Variants in IFFO1 observed in about 807,000 individuals in gnomAD.
The protein encoded by IFFO1 is non-homologous end joining factor IFFO1.
IFFO1 carries 42 observed loss-of-function variants against 59.6 expected under a neutral mutation model. The ratio of observed to expected loss-of-function variants is 0.70; its 90% confidence interval spans 0.55 to 0.91. The LOEUF (loss-of-function observed/expected upper bound fraction) is 0.91, where lower values mean the gene tolerates loss of function less well. IFFO1 is among the 40% of genes least tolerant of loss of function. The pLI is 0.00. For missense variants in IFFO1, 711 were observed against 793.2 expected, an observed-to-expected ratio of 0.90 and a Z score of 1.24; for synonymous variants, 336 against 342.8, an observed-to-expected ratio of 0.98 and a Z score of 0.22.
chr12:6,555,415 G>T lies in IFFO1; in HGVS notation c.615C>A (p.Leu205=). The change falls in exon 1 of 10, where the codon CTC becomes CTA. Residue 205 remains leucine (L), a synonymous_variant. Coordinates refer to ENST00000619571, the MANE Select transcript of IFFO1 (RefSeq NM_001193457.2). This position sits in a 1 kb window ranked among gnomAD's most constrained non-coding sequence, Gnocchi z 8.6. ...CCAGAGTGGGCTCCAGTCCCGGCCCGAGCCGGCGGGCGTGCGAGAACGACC... is the reference window on the plus strand; with the variant it reads ...CCAGAGTGGGCTCCAGTCCCGGCCCTAGCCGGCGGGCGTGCGAGAACGACC... ...TIWSFSHARR[L]GPGLEPTLVQ... is the part of the protein sequence containing the mutation. 6.2e-7 allele frequency: 1 copy of T among 1,614,054 alleles called. No individual in the cohort carries two copies.
chr12:6,541,708 G>T lies in IFFO1; in HGVS notation c.1480-66C>A, dbSNP rs1157298439. 1.3e-6 allele frequency: 2 copies of T among 1,596,354 alleles called. No individual in the cohort carries two copies. Among genetic ancestry groups the T allele is most frequent in the East Asian group, 4.5e-5 (2 of 44,732 alleles). Reference sequence around the variant, plus strand: ...CGTTCACAGCGCCTCTGTTGCCCCCGCCAGGAGGCCAACACGCCAAGAGCA... The same window carrying T: ...CGTTCACAGCGCCTCTGTTGCCCCCTCCAGGAGGCCAACACGCCAAGAGCA... On this transcript the variant is annotated intron_variant, in intron 8 of 9. Transcript: ENST00000619571. This position sits in a 1 kb window ranked among gnomAD's most constrained non-coding sequence, Gnocchi z 4.8.
intron 8 of IFFO1, chr12:6,543,424 T>C (rs1946808571): frequency 6.6e-6 from 1 of 152,230 alleles, no homozygotes; most frequent in South Asian, 2.1e-4. Flanking sequence ...CTCCACCTCC[T>C]GTCAGATCCG....
chr12:6,549,520 G>C lies in IFFO1; in HGVS notation c.1072-36C>G, dbSNP rs773332033. On this transcript the variant is annotated intron_variant, in intron 4 of 9. Coordinates refer to ENST00000619571, the MANE Select transcript of IFFO1 (RefSeq NM_001193457.2). This position sits in a 1 kb window ranked among gnomAD's most constrained non-coding sequence, Gnocchi z 5.0. ...AGCAAGAGAGAAGATGAGAGGAAGAGAGGAGAGGAAGCAGACAGAGGAGAG... is the reference window on the plus strand; with the variant it reads ...AGCAAGAGAGAAGATGAGAGGAAGACAGGAGAGGAAGCAGACAGAGGAGAG... 2.5e-6 allele frequency: 4 copies of C among 1,576,556 alleles called. No individual in the cohort carries two copies. The highest frequency in any genetic ancestry group is 3.5e-6 in the Non-Finnish European group (4 of 1,146,152).
At position 6,555,426 on chromosome 12, in the gene IFFO1, C is replaced by G. The variant is rs1272498045; in HGVS notation, c.604G>C (p.Ala202Pro). 3 of 1,613,878 alleles carry G rather than the reference C, an allele frequency of 1.9e-6. No homozygotes were observed. The South Asian group carries it at 3.3e-5, about 18-fold the overall frequency. ...TCCAGTCCCGGCCCGAGCCGGCGGG[C>G]GTGCGAGAACGACCAGATGGTGCCG... ...MPGTIWSFSHARRLGPGLEPT... is the reference protein window; with the variant it reads ...MPGTIWSFSHPRRLGPGLEPT... The change falls in exon 1 of 10, where the codon GCC becomes CCC. Residue 202 changes from alanine to proline, a missense_variant. Ala to Pro is a conservative substitution (Grantham distance 27, BLOSUM62 -1). Coordinates refer to ENST00000619571, the MANE Select transcript of IFFO1 (RefSeq NM_001193457.2). The surrounding 1 kb of genome is among the most constrained non-coding windows in gnomAD (Gnocchi z 8.6).
Position 6,549,579 on chromosome 12 carries a change from C to T in IFFO1, c.1072-95G>A, listed in dbSNP as rs1425441188. The T allele has an allele frequency of 7.5e-7, 1 of 1,336,388 alleles. No individual in the cohort carries two copies. Among genetic ancestry groups the T allele is most frequent in the Non-Finnish European group, 1.1e-6 (1 of 932,972 alleles). The allele number at this position is 1,336,388 out of a possible 1,614,324, so 82.8% of individuals were successfully genotyped here. On this transcript the variant is annotated intron_variant, in intron 4 of 9. Coordinates refer to ENST00000619571, the MANE Select transcript of IFFO1 (RefSeq NM_001193457.2). The surrounding 1 kb of genome is among the most constrained non-coding windows in gnomAD (Gnocchi z 5.0). ...AAGGGAGAGACGGCGTTAGAGACAG[C>T]TTCCACGATGCCCCTCCTGATGCTG... is the stretch of plus-strand genomic sequence containing the variant.
At chr12:6,545,198 C>G (rs1423992619) in intron 8 of IFFO1, among the ~76,000 whole-genome samples, 2 of 151,888 alleles carry the variant, frequency 1.3e-5, no homozygotes, top group Admixed American at 6.6e-5. Context: ...CTGGGCGACA[C>G]AGCGAGACTA....
At chr12:6,546,706 G>T (rs1946984251) in intron 8 of IFFO1, among the ~76,000 whole-genome samples, 1 of 152,036 alleles carries the variant, frequency 6.6e-6, no homozygotes, top group Admixed American at 6.6e-5. Flanking sequence ...AGCCAGGATG[G>T]TCTCGATCTC....
rs762929628 is a variant in IFFO1 at position 6,541,537 on chromosome 12, G to C, written c.1585C>G (p.Arg529Gly). 1.2e-6 allele frequency: 2 copies of C among 1,614,044 alleles called. No individual in the cohort carries two copies. The highest frequency in any genetic ancestry group is 1.7e-6 in the Non-Finnish European group (2 of 1,180,030). The change falls in exon 9 of 10, where the codon CGG becomes GGG. Residue 529 changes from arginine (R) to glycine (G), a missense_variant. Transcript: ENST00000619571. The surrounding 1 kb of genome is among the most constrained non-coding windows in gnomAD (Gnocchi z 4.8). ...CGGTCTCCAGACTGGGTGATGAGCC[G>C]GCGGCAGGTCTCCATCTGCACGTCC... ...GLDVQMETCR[R>G]LITQSGDRKS...
At position 6,551,537 on chromosome 12, in the gene IFFO1, C is replaced by T. The variant is rs758221791; in HGVS notation, c.774-536G>A. The T allele has an allele frequency of 4.9e-6, 6 of 1,217,860 alleles. No individual in the cohort carries two copies. The South Asian group carries it at 6.3e-5, about 13-fold the overall frequency. The allele number at this position is 1,217,860 out of a possible 1,614,324, so 75.4% of individuals were successfully genotyped here. A position where few individuals can be genotyped will look rare whatever the true frequency, so the allele number is the denominator to read the frequency against. On this transcript the variant is annotated intron_variant, in intron 1 of 9. Coordinates refer to ENST00000619571, the MANE Select transcript of IFFO1 (RefSeq NM_001193457.2). ...CACATAGTGTATCAACAGAGTGGGT[C>T]AAGAGCCTGGTAGGAGACACTCAAA...
At chr12:6,543,045 T>G (rs1946787526) in intron 8 of IFFO1, among the ~76,000 whole-genome samples, 1 of 152,184 alleles carries the variant, frequency 6.6e-6, no homozygotes, top group Non-Finnish European at 1.5e-5. Context: ...CAAGCCACCT[T>G]GAAAACTGCA....
In IFFO1 at chr12:6,549,456, T is replaced by G. The variant is rs751416441; in HGVS notation, c.1080+20A>C. On this transcript the variant is annotated intron_variant, in intron 5 of 9. Transcript: ENST00000619571. This position sits in a 1 kb window ranked among gnomAD's most constrained non-coding sequence, Gnocchi z 5.0. ...AACTGGGACTGGGACATTAATAAGCTTGCGTGAGATCAAACTAACCAGCTT... is the reference window on the plus strand; with the variant it reads ...AACTGGGACTGGGACATTAATAAGCGTGCGTGAGATCAAACTAACCAGCTT... 6.2e-7 allele frequency: 1 copy of G among 1,613,842 alleles called. No homozygotes were observed. The highest frequency in any genetic ancestry group is 1.1e-5 in the South Asian group (1 of 91,076).
At position 6,555,597 on chromosome 12, in the gene IFFO1, GC is replaced by G. The variant is rs1334034720; in HGVS notation, c.432del (p.Pro145ArgfsTer104). 2.8e-6 allele frequency: 4 copies of G among 1,411,178 alleles called. No homozygotes were observed. The highest frequency in any genetic ancestry group is 3.7e-6 in the Non-Finnish European group (4 of 1,088,194). The allele number at this position is 1,411,178 out of a possible 1,614,324, so 87.4% of individuals were successfully genotyped here. ...GCCGAAGGGCTGCAGACAGCGGCCG[GC>G]CGGGCGCCCAGCTGCAGCCCCAGGG... ...IRPLGLQLGARPAAVCSPSAR... is the reference protein window; with the variant it reads ...IRPLGLQLGAXPAAVCSPSAR... On this transcript the variant is annotated frameshift_variant, in exon 1 of 10. Transcript: ENST00000619571. LOFTEE classifies it high-confidence loss of function. The surrounding 1 kb of genome is among the most constrained non-coding windows in gnomAD (Gnocchi z 8.6).
chr12:6,545,377 C>T (rs1388943741), intron 8 of IFFO1, among the ~76,000 whole-genome samples: 3 of 151,882 alleles, frequency 2.0e-5, no homozygotes, highest in Admixed American at 1.3e-4. Flanking sequence ...TTAAATTGCA[C>T]GCTGTTCTGA....
At chr12:6,545,801 G>A in intron 8 of IFFO1, among the ~76,000 whole-genome samples, 1 of 152,096 alleles carries the variant, frequency 6.6e-6, no homozygotes, top group East Asian at 1.9e-4. Flanking sequence ...AGTTACTTAG[G>A]AGCCATCTCA....
rs995027412 is a variant in IFFO1, at chr12:6,539,854, C to T, written c.*629G>A. On this transcript the variant is annotated 3_prime_UTR_variant, in exon 10 of 10. Coordinates refer to ENST00000619571, the MANE Select transcript of IFFO1 (RefSeq NM_001193457.2). Reference sequence around the variant, plus strand: ...CAAAACACTGTGCCCATCCCGGGCACTAAGGCCTCTTTAAAGCACGGCACC... The same window carrying T: ...CAAAACACTGTGCCCATCCCGGGCATTAAGGCCTCTTTAAAGCACGGCACC... 4 of 155,184 alleles carry T rather than the reference C, an allele frequency of 2.6e-5. No individual in the cohort carries two copies. The highest frequency in any genetic ancestry group is 4.3e-5 in the Non-Finnish European group (3 of 69,730). 9.6% of individuals were successfully genotyped at this position (155,184 alleles called of 1,614,324 possible).
intron 8 of IFFO1, among the ~76,000 whole-genome samples, 194 bp downstream of exon 8, chr12:6,547,871 T>C (rs933288222): frequency 6.6e-6 from 1 of 151,994 alleles, no homozygotes; most frequent in Non-Finnish European, 1.5e-5. Context: ...AGAGCTGAGA[T>C]TTGAACCGAT....
intron 1 of IFFO1, among the ~76,000 whole-genome samples, chr12:6,552,816 G>C (rs558495741): frequency 6.6e-6 from 1 of 152,250 alleles, no homozygotes; most frequent in African/African-American, 2.4e-5. Flanking sequence ...TTGTTCTTTG[G>C]CCAGACTTCA....
Position 6,555,561 on chromosome 12 carries a change from C to T in IFFO1, c.469G>A (p.Gly157Ser). 2 of 1,470,560 alleles carry T rather than the reference C, an allele frequency of 1.4e-6. No homozygotes were observed. Among genetic ancestry groups the T allele is most frequent in the South Asian group, 2.8e-5 (2 of 71,860 alleles). 91.1% of individuals were successfully genotyped at this position (1,470,560 alleles called of 1,614,324 possible). A position where few individuals can be genotyped will look rare whatever the true frequency, so the allele number is the denominator to read the frequency against. Residue 157 changes from glycine to serine, a missense_variant, in exon 1 of 10, where the codon GGC becomes AGC. Gly to Ser is a moderately conservative substitution (Grantham distance 56). This residue lies in a region of IFFO1 where 579 missense variants were observed against 650.3 expected (regional missense o/e 0.89). Coordinates refer to ENST00000619571, the MANE Select transcript of IFFO1 (RefSeq NM_001193457.2). This position sits in a 1 kb window ranked among gnomAD's most constrained non-coding sequence, Gnocchi z 8.6. Reference protein sequence around the residue: ...AVCSPSARVLGSPARSPAGPL... With the variant: ...AVCSPSARVLSSPARSPAGPL... ...CCGGCCGGGGAGCGCGCGGGCGAGCCCAGCACGCGCGCCGAAGGGCTGCAG... is the reference window on the plus strand; with the variant it reads ...CCGGCCGGGGAGCGCGCGGGCGAGCTCAGCACGCGCGCCGAAGGGCTGCAG...
At position 6,555,351 on chromosome 12, in the gene IFFO1, C is replaced by A. The variant is rs903197376; in HGVS notation, c.679G>T (p.Val227Leu). Residue 227 changes from valine (V) to leucine (L), a missense_variant, in exon 1 of 10, where the codon GTG (valine) becomes TTG (leucine). Physicochemically the swap from Val to Leu is conservative, Grantham distance 32. Around this residue, in one of 3 missense-constraint regions of IFFO1, gnomAD observed 579 missense variants for 650.3 expected, o/e 0.89. Coordinates refer to ENST00000619571, the MANE Select transcript of IFFO1 (RefSeq NM_001193457.2). The surrounding 1 kb of genome is among the most constrained non-coding windows in gnomAD (Gnocchi z 8.6). ...PGLSWVHPDGVGVQIDTITPE... is the reference protein window; with the variant it reads ...PGLSWVHPDGLGVQIDTITPE... ...GTGATGGTGTCGATCTGGACGCCCA[C>A]CCCATCCGGGTGCACCCACGACAAG... is the stretch of plus-strand genomic sequence containing the variant. The A allele has an allele frequency of 6.2e-7, 1 of 1,614,208 alleles. No homozygotes were observed. The highest frequency in any genetic ancestry group is 1.1e-5 in the South Asian group (1 of 91,092).
Sources: gnomAD v4.1 joint callset for allele counts (sites outside exome capture counted in the v4.1 genomes callset) on GRCh38, gnomAD v4.1.1 for gene constraint, gnomAD v4.1.1 regional missense constraint, Gnocchi (gnomAD v3.1) non-coding constraint, MANE v1.5 for transcripts, NCBI Gene and HGNC (gene_info 2026-07-23, HGNC 2026-07-21) for gene names.